Variants in LCOR observed in about 807,000 individuals in gnomAD.
The protein encoded by LCOR is ligand-dependent corepressor.
LCOR carries 14 observed loss-of-function variants against 64.4 expected under a neutral mutation model. The observed-to-expected ratio is 0.22, with a 90% CI of 0.14 to 0.34. The LOEUF (loss-of-function observed/expected upper bound fraction) is 0.34, where lower values mean the gene tolerates loss of function less well. Ranked by LOEUF, LCOR falls within the 10% of genes least tolerant of loss-of-function variation. The probability of loss-of-function intolerance (pLI) is 1.00; values close to 1 mark genes in which losing one functional copy is unlikely to be tolerated. For missense variants in LCOR, 1,686 were observed against 1,765.3 expected, an observed-to-expected ratio of 0.96 and a Z score of 0.80; for synonymous variants, 643 against 642.5, an observed-to-expected ratio of 1.00 and a Z score of -0.01.
rs751192156 is a variant in LCOR, at chr10:96,982,664, C to T, written c.2204C>T (p.Ser735Phe). The T allele has an allele frequency of 6.2e-7, 1 of 1,614,108 alleles. No individual in the cohort carries two copies. Among genetic ancestry groups the T allele is most frequent in the South Asian group, 1.1e-5 (1 of 91,056 alleles). The change falls in exon 8 of 8, where the codon TCT becomes TTT. Residue 735 changes from serine (S) to phenylalanine (F), a missense_variant. By Grantham distance (155) the Ser-to-Phe change is radical. Coordinates refer to ENST00000421806, the MANE Select transcript of LCOR (RefSeq NM_001346516.2). ...DNQSISAEVE[S>F]GDTQELNVDP... ...CAAAGCATCAGTGCTGAGGTTGAGT[C>T]TGGAGACACCCAGGAGCTAAATGTC...
At chr10:96,872,464 G>A (rs997449090) in intron 2 of LCOR, among the ~76,000 whole-genome samples, 6 of 152,272 alleles carry the variant, frequency 3.9e-5, no homozygotes, top group Non-Finnish European at 7.4e-5. Context: ...AGGCCGAGGT[G>A]GGTGGATCGC....
chr10:96,842,239 A>G (rs1292780401), intron 2 of LCOR, among the ~76,000 whole-genome samples: 3 of 152,098 alleles, frequency 2.0e-5, no homozygotes, highest in Non-Finnish European at 2.9e-5. Flanking sequence ...TACTAAAAAT[A>G]CAAAAATTAG....
chr10:96,916,587 C>CTATATATATATATATATA (rs71976703), intron 4 of LCOR, among the ~76,000 whole-genome samples: 104 of 138,162 alleles, frequency 7.5e-4, no homozygotes, highest in East Asian at 4.9e-3. Context: ...TATTTAAAGG[C>CTATATATATATATATATA]TATATATATA....
intron 2 of LCOR, among the ~76,000 whole-genome samples, chr10:96,840,584 CTA>C (rs775613392): frequency 6.6e-6 from 1 of 152,034 alleles, no homozygotes; most frequent in African/African-American, 2.4e-5. Flanking sequence ...TCAGACATGT[CTA>C]TTTTAAAATT....
chr10:96,920,800 G>GA (rs1847067306), intron 4 of LCOR, among the ~76,000 whole-genome samples: 2 of 143,290 alleles, frequency 1.4e-5, no homozygotes, highest in African/African-American at 5.3e-5. Context: ...ACGCGCGGTG[G>GA]GGGGGTGGTG....
intron 4 of LCOR, among the ~76,000 whole-genome samples, chr10:96,920,749 T>TATAC (rs1332087486): frequency 1.2e-5 from 1 of 80,412 alleles, no homozygotes; most frequent in Non-Finnish European, 2.3e-5. Context: ...TGTATATATG[T>TATAC]ATACACACAC....
chr10:96,983,531 C>G lies in LCOR; in HGVS notation c.3071C>G (p.Ala1024Gly). ...TCGAGTAGTGGAAGTGGTGATGCTG[C>G]TAGGGCACCAAAATCGGTGCCAAGG... is the stretch of plus-strand genomic sequence containing the variant. ...GLSSSGSGDAARAPKSVPRPK... is the reference protein window; with the variant it reads ...GLSSSGSGDAGRAPKSVPRPK... Residue 1024 changes from alanine (A) to glycine (G), a missense_variant, in exon 8 of 8, where the codon GCT (alanine) becomes GGT (glycine). By Grantham distance (60) the Ala-to-Gly change is moderately conservative. Transcript: ENST00000421806. This position sits in a 1 kb window ranked among gnomAD's most constrained non-coding sequence, Gnocchi z 4.5. 1 of 1,614,070 alleles carries G rather than the reference C, an allele frequency of 6.2e-7. No individual in the cohort carries two copies. Among genetic ancestry groups the G allele is most frequent in the Non-Finnish European group, 8.5e-7 (1 of 1,180,008 alleles).
chr10:96,913,098 A>C (rs559754013), intron 4 of LCOR, among the ~76,000 whole-genome samples: 1 of 151,358 alleles, frequency 6.6e-6, no homozygotes, highest in African/African-American at 2.4e-5. Context: ...AAGATGTTCC[A>C]GTCTTAACAT....
intron 2 of LCOR, among the ~76,000 whole-genome samples, chr10:96,862,982 G>A (rs1845912455): frequency 6.6e-6 from 1 of 151,140 alleles, no homozygotes; most frequent in Non-Finnish European, 1.5e-5. Flanking sequence ...CTGGGTTCAA[G>A]CAATTCTCCT....
At chr10:96,959,638 G>C (rs1457660910) in intron 7 of LCOR, 1 of 152,114 alleles carries the variant, frequency 6.6e-6, no homozygotes, top group African/African-American at 2.4e-5. Context: ...TTATGTTTGT[G>C]ATGAGCTATA....
intron 7 of LCOR, among the ~76,000 whole-genome samples, chr10:96,977,348 C>T (rs957052289): frequency 1.6e-4 from 24 of 152,142 alleles, no homozygotes; most frequent in African/African-American, 5.8e-4. Context: ...TAATACAATA[C>T]AGGCCACCAC....
chr10:96,847,599 G>A (rs1370615330), intron 2 of LCOR, among the ~76,000 whole-genome samples: 1 of 151,932 alleles, frequency 6.6e-6, no homozygotes, highest in Non-Finnish European at 1.5e-5. Flanking sequence ...GTGCCACCAC[G>A]CCTGGCTAAT....
At chr10:96,851,231 A>G (rs978592142) in intron 2 of LCOR, among the ~76,000 whole-genome samples, 3 of 152,228 alleles carry the variant, frequency 2.0e-5, no homozygotes, top group Non-Finnish European at 4.4e-5. Flanking sequence ...AACTGTTGTC[A>G]TCCTCCAGCT....
Position 96,949,028 on chromosome 10 carries a change from C to T in LCOR, c.-30C>T, listed in dbSNP as rs922532744. ...TACAGACAGTCCCTGGGTCTCCGAC[C>T]CCAATATTCCCCTAGTGGCCCGTGA... is the stretch of plus-strand genomic sequence containing the variant. On this transcript the variant is annotated 5_prime_UTR_variant, in exon 6 of 8. Transcript: ENST00000421806. The T allele has an allele frequency of 2.5e-6, 4 of 1,612,092 alleles. No homozygotes were observed. Among genetic ancestry groups the T allele is most frequent in the Non-Finnish European group, 3.4e-6 (4 of 1,178,922 alleles).
rs147863772 is a variant in LCOR at position 96,930,629 on chromosome 10, T to C, written c.-183-13484T>C. Among the ~76,000 whole-genome samples the C allele has an allele frequency of 2.0e-5, 3 of 152,340 alleles. No homozygotes were observed. The East Asian group carries it at 5.8e-4, about 29-fold the overall frequency. Reference sequence around the variant, plus strand: ...GCTTTGAGAGAGAGCTACTTTAAATTGTGGAGAAAAGCGTAGAGTAAACTG... The same window carrying C: ...GCTTTGAGAGAGAGCTACTTTAAATCGTGGAGAAAAGCGTAGAGTAAACTG... On this transcript the variant is annotated intron_variant, in intron 4 of 7. Coordinates refer to ENST00000421806, the MANE Select transcript of LCOR (RefSeq NM_001346516.2).
At chr10:96,954,964 G>A (rs936839584) in intron 7 of LCOR, 1 of 1,613,486 alleles carries the variant, frequency 6.2e-7, no homozygotes, top group Non-Finnish European at 8.5e-7. Flanking sequence ...CGACCTGGGA[G>A]ACCCAGCCAG....
Position 96,966,008 on chromosome 10 carries a change from T to C in LCOR, c.332+13812T>C, listed in dbSNP as rs957820900. On this transcript the variant is annotated intron_variant, in intron 7 of 7. Coordinates refer to ENST00000421806, the MANE Select transcript of LCOR (RefSeq NM_001346516.2). ...TTGATATTCAGCTCTTCAGTTGTTA[T>C]AAAGGCCCTATTTAAAGAAAGGACT... Among the ~76,000 whole-genome samples the C allele has an allele frequency of 3.3e-5, 5 of 152,206 alleles. 1 individual carries two copies. The highest frequency in any genetic ancestry group is 1.2e-4 in the African/African-American group (5 of 41,570).
At chr10:96,842,573 T>G (rs906321896) in intron 2 of LCOR, among the ~76,000 whole-genome samples, 17 of 152,122 alleles carry the variant, frequency 1.1e-4, no homozygotes, top group Non-Finnish European at 2.4e-4. Context: ...CTGGTACGTT[T>G]AGAATGATCA....
At position 96,850,691 on chromosome 10, in the gene LCOR, C is replaced by CCTCT. The variant is rs1323325439; in HGVS notation, c.-330+17214_-330+17217dup. Among the ~76,000 whole-genome samples the CCTCT allele has an allele frequency of 2.2e-4, 34 of 152,174 alleles. 1 individual carries two copies. In the Middle Eastern group the frequency reaches 0.024, roughly 107 times the overall value. ...TCTCAAACCCTTGAGCTCAAGCAGTCCTCTCACCTGTCTCCCAAAGTGCTG... is the reference window on the plus strand; with the variant it reads ...TCTCAAACCCTTGAGCTCAAGCAGTCCTCTCTCTCACCTGTCTCCCAAAGTGCTG... On this transcript the variant is annotated intron_variant, in intron 2 of 7. Coordinates refer to ENST00000421806, the MANE Select transcript of LCOR (RefSeq NM_001346516.2).
Sources: allele counts gnomAD v4.1 joint callset (sites outside exome capture counted in the v4.1 genomes callset), GRCh38; gene constraint gnomAD v4.1.1; non-coding constraint Gnocchi (gnomAD v3.1); transcripts MANE v1.5; gene names NCBI Gene and HGNC (gene_info 2026-07-23, HGNC 2026-07-21).